Variants in BCAS3 observed in about 807,000 individuals in gnomAD.
BCAS3 encodes the protein BCAS3 microtubule associated cell migration factor, also known as BCAS4/BCAS3 fusion.
A neutral mutation model predicts 116.1 loss-of-function variants in BCAS3; 53 were observed. The ratio of observed to expected loss-of-function variants is 0.46; its 90% confidence interval spans 0.37 to 0.57. The LOEUF is 0.57. Ranked by LOEUF, BCAS3 falls within the 20% of genes least tolerant of loss-of-function variation. The pLI, the probability that BCAS3 is intolerant of heterozygous loss-of-function variation, is 0.00. For missense variants in BCAS3, 917 were observed against 1,165.4 expected (o/e 0.79, Z 3.10); for synonymous variants, 391 against 408.2 (o/e 0.96, Z 0.51).
At chr17:61,375,076 G>A (rs901351232) in intron 23 of BCAS3, among the ~76,000 whole-genome samples, 5 of 152,144 alleles carry the variant, frequency 3.3e-5, no homozygotes, top group Admixed American at 1.3e-4. Context: ...AAAGGGCTGC[G>A]CCTTTCTTTT....
At chr17:60,740,498 C>CAAAAA (rs774901641) in intron 5 of BCAS3, among the ~76,000 whole-genome samples, 15 of 58,354 alleles carry the variant, frequency 2.6e-4, no homozygotes, top group African/African-American at 6.6e-4. Context: ...GACCCTGTCT[C>CAAAAA]AAAAAAAAAA....
At chr17:60,981,624 A>T (rs1303357639) in intron 14 of BCAS3, among the ~76,000 whole-genome samples, 1 of 152,174 alleles carries the variant, frequency 6.6e-6, no homozygotes, top group Non-Finnish European at 1.5e-5. Context: ...GAAAACAGAC[A>T]TTTGGACAGA....
At chr17:61,298,120 T>C (rs1438724319) in intron 22 of BCAS3, among the ~76,000 whole-genome samples, 3 of 152,180 alleles carry the variant, frequency 2.0e-5, no homozygotes, top group Admixed American at 1.3e-4. Context: ...ATGATCCTTC[T>C]ATATTTGTGT....
intron 13 of BCAS3, among the ~76,000 whole-genome samples, chr17:60,939,802 A>G (rs2060128577): frequency 6.6e-6 from 1 of 152,236 alleles, no homozygotes; most frequent in Non-Finnish European, 1.5e-5. Context: ...TCTATTGTAT[A>G]TAAATTATGT....
At chr17:61,357,281 A>T (rs117377302) in intron 22 of BCAS3, among the ~76,000 whole-genome samples, 18,083 of 144,260 alleles carry the variant, frequency 0.13, 1,166 homozygotes, top group African/African-American at 0.14. Flanking sequence ...AATTAATTAA[A>T]TAAATAAATA....
Position 61,326,014 on chromosome 17 carries a change from C to G in BCAS3, c.2426-42313C>G, listed in dbSNP as rs2055700328. ...CACCCACCATTCATTTGTTTGGCAT[C>G]CATCAAATCTCTATAAATGCTAACT... is the stretch of plus-strand genomic sequence containing the variant. On this transcript the variant is annotated intron_variant, in intron 22 of 23. Transcript: ENST00000407086. The surrounding 1 kb of genome is among the most constrained non-coding windows in gnomAD (Gnocchi z 5.3). Among the ~76,000 whole-genome samples, 1 of 152,162 alleles carries G rather than the reference C, an allele frequency of 6.6e-6. No individual in the cohort carries two copies. The highest frequency in any genetic ancestry group is 6.5e-5 in the Admixed American group (1 of 15,282).
chr17:61,169,569 T>C (rs1485976140), intron 22 of BCAS3, among the ~76,000 whole-genome samples: 1 of 152,140 alleles, frequency 6.6e-6, no homozygotes, highest in Non-Finnish European at 1.5e-5. Flanking sequence ...CCGGCCGAGA[T>C]AGAATTGTTT....
chr17:60,870,744 G>A (rs534914870), intron 8 of BCAS3, among the ~76,000 whole-genome samples: 6 of 152,212 alleles, frequency 3.9e-5, no homozygotes, highest in South Asian at 2.1e-4. Context: ...TAAAGGTTCC[G>A]CTGCAGGTAA....
In BCAS3 at chr17:61,286,398, A is replaced by C. The variant is rs560430100; in HGVS notation, c.2426-81929A>C. 6.6e-6 allele frequency among the ~76,000 whole-genome samples: 1 copy of C among 152,308 alleles called. No individual in the cohort carries two copies. Among genetic ancestry groups the C allele is most frequent in the Non-Finnish European group, 1.5e-5 (1 of 68,020 alleles). Reference sequence around the variant, plus strand: ...TGTGCTGGTGAAGTCTGGCGTGTGGAGAGGCCTCTGGTTATTGGGAGGCTG... The same window carrying C: ...TGTGCTGGTGAAGTCTGGCGTGTGGCGAGGCCTCTGGTTATTGGGAGGCTG... On this transcript the variant is annotated intron_variant, in intron 22 of 23. Coordinates refer to ENST00000407086, the MANE Select transcript of BCAS3 (RefSeq NM_017679.5). The surrounding 1 kb of genome is among the most constrained non-coding windows in gnomAD (Gnocchi z 4.8).
intron 4 of BCAS3, among the ~76,000 whole-genome samples, chr17:60,697,842 C>T (rs1456708299): frequency 1.3e-5 from 2 of 151,908 alleles, no homozygotes; most frequent in African/African-American, 4.8e-5. Context: ...ATAGGAAAGA[C>T]CGTAAAGTTC....
Position 60,874,847 on chromosome 17 carries a change from T to C in BCAS3, c.661+109T>C, listed in dbSNP as rs1184671687. 8.3e-6 allele frequency: 5 copies of C among 603,336 alleles called. No homozygotes were observed. The East Asian group carries it at 1.2e-4, about 15-fold the overall frequency. The allele number at this position is 603,336 out of a possible 1,614,324, so 37.4% of individuals were successfully genotyped here. ...CTCAACAGTACTTAATGTTTTCAAT[T>C]TTGATGATTTTCTTGTGATTCTGTG... On this transcript the variant is annotated intron_variant, in intron 9 of 23. Coordinates refer to ENST00000407086, the MANE Select transcript of BCAS3 (RefSeq NM_017679.5).
At chr17:61,280,922 G>A (rs531276099) in intron 22 of BCAS3, among the ~76,000 whole-genome samples, 3 of 152,260 alleles carry the variant, frequency 2.0e-5, no homozygotes, top group African/African-American at 7.2e-5. Flanking sequence ...CTGTATTCCC[G>A]CAGTATCTAA....
At chr17:61,340,402 G>A (rs192959274) in intron 22 of BCAS3, among the ~76,000 whole-genome samples, 15 of 152,210 alleles carry the variant, frequency 9.9e-5, no homozygotes, top group East Asian at 7.7e-4. Context: ...CGATGAAGCC[G>A]TCATCTAAGC....
chr17:60,688,325 AG>A (rs962327368), intron 3 of BCAS3: 3 of 151,936 alleles, frequency 2.0e-5, no homozygotes, highest in Non-Finnish European at 4.4e-5. Context: ...TTTTTGAGAC[AG>A]GGTCTTGCTC....
At chr17:60,915,953 A>C (rs113742860) in intron 12 of BCAS3, among the ~76,000 whole-genome samples, 1 of 151,564 alleles carries the variant, frequency 6.6e-6, no homozygotes, top group South Asian at 2.1e-4. Context: ...AAAGGGCTGG[A>C]ATTACAGGTG....
rs1227664204 is a variant in BCAS3, at chr17:61,098,338, TCATAATCAC to T, written c.2425+13775_2425+13783del. The stretch of plus-strand genomic sequence containing the variant: ...TCTGTTCTTAGTATTTAAGAGGCCT[TCATAATCAC>T]AGAAGAGAGTGATATTATAGGATTA... On this transcript the variant is annotated intron_variant, in intron 22 of 23. Coordinates refer to ENST00000407086, the MANE Select transcript of BCAS3 (RefSeq NM_017679.5). This position sits in a 1 kb window ranked among gnomAD's most constrained non-coding sequence, Gnocchi z 4.2. Among the ~76,000 whole-genome samples, 1 of 152,194 alleles carries T rather than the reference TCATAATCAC, an allele frequency of 6.6e-6. No homozygotes were observed.
chr17:60,711,377 T>G (rs938268989), intron 5 of BCAS3, among the ~76,000 whole-genome samples: 2 of 152,054 alleles, frequency 1.3e-5, no homozygotes, highest in Non-Finnish European at 2.9e-5. Flanking sequence ...TATTTCTAGG[T>G]TGTGATAAAA....
At chr17:60,803,469 T>C (rs1243788779) in intron 6 of BCAS3, among the ~76,000 whole-genome samples, 1 of 152,220 alleles carries the variant, frequency 6.6e-6, no homozygotes, top group Non-Finnish European at 1.5e-5. Context: ...TTAAGATTGC[T>C]AAGTCAGTCA....
chr17:60,856,791 A>C (rs1334658543), intron 7 of BCAS3, among the ~76,000 whole-genome samples: 1 of 152,152 alleles, frequency 6.6e-6, no homozygotes, highest in African/African-American at 2.4e-5. Flanking sequence ...CCTTTTAAGA[A>C]ATCTGGTTTA....
Sources: allele counts gnomAD v4.1 joint callset (sites outside exome capture counted in the v4.1 genomes callset), GRCh38; gene constraint gnomAD v4.1.1; non-coding constraint Gnocchi (gnomAD v3.1); transcripts MANE v1.5; gene names NCBI Gene and HGNC (gene_info 2026-07-23, HGNC 2026-07-21).